HYCC2: variants seen among roughly 807,000 people sequenced by gnomAD.
The protein encoded by HYCC2 is hyccin PI4KA lipid kinase complex subunit 2.
chr2:201,024,315 T>G, the HYCC2 span, among the ~76,000 whole-genome samples: 1 of 151,746 alleles, frequency 6.6e-6, no homozygotes, highest in African/African-American at 2.4e-5. Context: ...CAGTGAGACC[T>G]TGTCTCTACT....
chr2:201,015,367 CA>C, the HYCC2 span, among the ~76,000 whole-genome samples: 1 of 151,348 alleles, frequency 6.6e-6, no homozygotes, highest in East Asian at 1.9e-4. Flanking sequence ...CCTAGTATCT[CA>C]GAAGTGTTTA....
the HYCC2 span, among the ~76,000 whole-genome samples, chr2:201,000,057 C>CAA: frequency 9.7e-3 from 332 of 34,402 alleles, 7 homozygotes; most frequent in African/African-American, 0.03. Flanking sequence ...GACTCCGTCT[C>CAA]AAAAAAAAAA....
the HYCC2 span, among the ~76,000 whole-genome samples, chr2:201,014,710 C>T: frequency 6.6e-6 from 1 of 152,150 alleles, no homozygotes; most frequent in Non-Finnish European, 1.5e-5. Context: ...GAGGAGTGAG[C>T]ACTGGTACAG....
At chr2:201,062,314 T>A in the HYCC2 span, among the ~76,000 whole-genome samples, 1 of 151,796 alleles carries the variant, frequency 6.6e-6, no homozygotes, top group Non-Finnish European at 1.5e-5. Context: ...AGGTCAGGAA[T>A]TCAAGACCAG....
At chr2:201,002,536 T>G in the HYCC2 span, among the ~76,000 whole-genome samples, 3 of 151,940 alleles carry the variant, frequency 2.0e-5, no homozygotes, top group African/African-American at 7.3e-5. Flanking sequence ...ATTCTTTTTT[T>G]TTTTTTTGAG....
the HYCC2 span, among the ~76,000 whole-genome samples, chr2:201,024,538 A>G: frequency 6.6e-6 from 1 of 151,524 alleles, no homozygotes; most frequent in African/African-American, 2.4e-5. Flanking sequence ...CTTGAAACCT[A>G]TTATCCTAAT....
At chr2:200,986,450 A>T in the HYCC2 span, among the ~76,000 whole-genome samples, 1 of 152,236 alleles carries the variant, frequency 6.6e-6, no homozygotes, top group Non-Finnish European at 1.5e-5. Context: ...ACATTAAATA[A>T]TTTTTAAAAA....
the HYCC2 span, among the ~76,000 whole-genome samples, chr2:201,006,660 A>G: frequency 6.6e-6 from 1 of 152,242 alleles, no homozygotes; most frequent in East Asian, 1.9e-4. Context: ...TTTTGGTCAT[A>G]TATGATGATG....
At chr2:201,059,152 C>T in the HYCC2 span, among the ~76,000 whole-genome samples, 1 of 152,206 alleles carries the variant, frequency 6.6e-6, no homozygotes, top group Non-Finnish European at 1.5e-5. Context: ...ACAGTCAGGT[C>T]TCCTGAGTCT....
At chr2:201,004,122 G>C in the HYCC2 span, among the ~76,000 whole-genome samples, 1 of 152,122 alleles carries the variant, frequency 6.6e-6, no homozygotes, top group Non-Finnish European at 1.5e-5. Flanking sequence ...GGCCTGTTTG[G>C]GTTTTTATCA....
chr2:201,043,013 GAGAGATCAGAC>G, the HYCC2 span, among the ~76,000 whole-genome samples: 1 of 152,196 alleles, frequency 6.6e-6, no homozygotes. Context: ...GTGGGGAAAA[GAGAGATCAGAC>G]TGTTATTGTG....
the HYCC2 span, among the ~76,000 whole-genome samples, chr2:201,006,965 AG>A: frequency 1.3e-4 from 20 of 152,348 alleles, no homozygotes; most frequent in South Asian, 4.1e-3. Context: ...AAGAGGGGTG[AG>A]GTAATCAAAT....
chr2:201,008,908 C>A, the HYCC2 span: 1 of 970,254 alleles, frequency 1.0e-6, no homozygotes, highest in Non-Finnish European at 1.6e-6. Context: ...GTCATTCATT[C>A]ATTCATATAT....
At chr2:201,064,161 G>A in the HYCC2 span, 1 of 834,644 alleles carries the variant, frequency 1.2e-6, no homozygotes, top group Non-Finnish European at 2.0e-6. Context: ...GGGCCTAGCT[G>A]CTACAAAGAA....
At chr2:201,026,630 C>A in the HYCC2 span, among the ~76,000 whole-genome samples, 13 of 152,290 alleles carry the variant, frequency 8.5e-5, no homozygotes, top group East Asian at 2.5e-3. Flanking sequence ...GACCACAGTG[C>A]AATCAAATTA....
At chr2:201,055,370 G>A in the HYCC2 span, among the ~76,000 whole-genome samples, 69 of 134,558 alleles carry the variant, frequency 5.1e-4, no homozygotes, top group East Asian at 0.013. Flanking sequence ...CAACAAGAGC[G>A]AAATTCCATC....
chr2:201,016,028 A>G, the HYCC2 span, among the ~76,000 whole-genome samples: 1 of 152,238 alleles, frequency 6.6e-6, no homozygotes, highest in Non-Finnish European at 1.5e-5. Flanking sequence ...TTTCGAACAC[A>G]GCAGGAGTTT....
chr2:201,064,458 T>A, the HYCC2 span, among the ~76,000 whole-genome samples: 2 of 152,154 alleles, frequency 1.3e-5, no homozygotes, highest in African/African-American at 4.8e-5. Context: ...AAGTTAGAAT[T>A]CCTTCAGGGT....
the HYCC2 span, among the ~76,000 whole-genome samples, chr2:201,071,084 C>T: frequency 1.3e-5 from 2 of 152,150 alleles, no homozygotes; most frequent in East Asian, 3.8e-4. Flanking sequence ...GAGGGACAAC[C>T]TAGTTGTTTG....
Sources: allele counts gnomAD v4.1 joint callset (sites outside exome capture counted in the v4.1 genomes callset), GRCh38; gene constraint gnomAD v4.1.1; transcripts MANE v1.5; gene names NCBI Gene and HGNC (gene_info 2026-07-23, HGNC 2026-07-21).